Variants in CGNL1 observed in about 807,000 individuals in gnomAD.
CGNL1 encodes the protein cingulin like 1, also known as cingulin-like protein 1.
A neutral mutation model predicts 141.2 loss-of-function variants in CGNL1; 132 were observed. The observed-to-expected ratio is 0.93, with a 90% CI of 0.81 to 1.08. The LOEUF (loss-of-function observed/expected upper bound fraction) is 1.08. CGNL1 is among the 50% of genes least tolerant of loss of function. The pLI, the probability that CGNL1 is intolerant of heterozygous loss-of-function variation, is 0.00. For synonymous variants in CGNL1, 690 were observed against 622.1 expected (o/e 1.11, Z -1.63); for missense variants, 1,870 against 1,588.6 (o/e 1.18, Z -3.01).
intron 1 of CGNL1, among the ~76,000 whole-genome samples, chr15:57,378,895 G>A (rs1416593777): frequency 1.3e-5 from 2 of 152,188 alleles, no homozygotes; most frequent in African/African-American, 4.8e-5. Context: ...ACTTGCTGGA[G>A]GTGTGCACCC....
Position 57,528,678 on chromosome 15 carries a change from C to G in CGNL1, c.3064C>G (p.Arg1022Gly), listed in dbSNP as rs144081162. ...GATGCGTCTGATGGAGGAAGAGTTA[C>G]GGGACTACCAGAGAGCTCAGGATGA... ...DEMRLMEEELRDYQRAQDEAL... is the reference protein window; with the variant it reads ...DEMRLMEEELGDYQRAQDEAL... The change falls in exon 13 of 19, where the codon CGG becomes GGG. Residue 1022 changes from arginine to glycine, a missense_variant. Physicochemically the swap from Arg to Gly is moderately radical, Grantham distance 125 (BLOSUM62 -2). Transcript: ENST00000281282. 3 of 1,614,066 alleles carry G rather than the reference C, an allele frequency of 1.9e-6. No homozygotes were observed. The highest frequency in any genetic ancestry group is 2.5e-6 in the Non-Finnish European group (3 of 1,179,986).
At position 57,442,451 on chromosome 15, in the gene CGNL1, A is replaced by G; in HGVS notation, c.1776A>G (p.Ala592=). The G allele has an allele frequency of 6.2e-7, 1 of 1,613,096 alleles. No individual in the cohort carries two copies. The highest frequency in any genetic ancestry group is 8.5e-7 in the Non-Finnish European group (1 of 1,179,178). The change falls in exon 4 of 19, where the codon GCA becomes GCG. Residue 592 remains alanine (A), a synonymous_variant. Coordinates refer to ENST00000281282, the MANE Select transcript of CGNL1 (RefSeq NM_032866.5). ...FEKIQTLKSR[A]AGSAQGNNQA... is the part of the protein sequence containing the mutation. ...AAATCCAGACCTTAAAGTCTCGAGC[A>G]GCTGGGAGCGCCCAAGGAAATAACC... is the stretch of plus-strand genomic sequence containing the variant.
At chr15:57,465,406 T>C (rs978588691) in intron 8 of CGNL1, among the ~76,000 whole-genome samples, 622 of 148,238 alleles carry the variant, frequency 4.2e-3, no homozygotes, top group African/African-American at 0.015. Flanking sequence ...TTTTTTTTTT[T>C]TTAAGATGGA....
chr15:57,525,281 G>A (rs764471777), intron 12 of CGNL1, among the ~76,000 whole-genome samples: 61 of 152,188 alleles, frequency 4.0e-4, no homozygotes, highest in Non-Finnish European at 3.8e-4. Context: ...AAGAATAATT[G>A]AGCAAAGAAA....
intron 8 of CGNL1, among the ~76,000 whole-genome samples, chr15:57,489,001 G>A (rs1208282415): frequency 2.0e-5 from 3 of 152,198 alleles, no homozygotes; most frequent in African/African-American, 7.2e-5. Flanking sequence ...GCCCAGTGCT[G>A]TCTAGTCCGG....
In CGNL1 at chr15:57,440,391, C is replaced by A; in HGVS notation, c.1617C>A (p.Leu539=). The change falls in exon 3 of 19, where the codon CTC becomes CTA. Residue 539 remains leucine (L), a synonymous_variant. Transcript: ENST00000281282. ...TTATGTTCCAGGCCACACCGGATCT[C>A]TTAAAGGGCCAGCAAGAGCTCACTC... ...SASNTQATPD[L]LKGQQELTQQ... 6.2e-7 allele frequency: 1 copy of A among 1,600,934 alleles called. No individual in the cohort carries two copies. The highest frequency in any genetic ancestry group is 2.2e-5 in the East Asian group (1 of 44,720).
At chr15:57,400,328 C>A (rs760914909) in intron 1 of CGNL1, among the ~76,000 whole-genome samples, 12 of 152,178 alleles carry the variant, frequency 7.9e-5, no homozygotes, top group African/African-American at 9.6e-5. Context: ...TGTGGTTCTT[C>A]TGTCACTTTC....
intron 3 of CGNL1, among the ~76,000 whole-genome samples, chr15:57,441,066 G>T (rs56180242): frequency 0.017 from 1,015 of 58,276 alleles, 7 homozygotes; most frequent in South Asian, 0.078. Flanking sequence ...GTGATTAAGA[G>T]GAAGGACAAA....
In CGNL1 at chr15:57,531,647, T is replaced by A. The variant is rs376240407; in HGVS notation, c.3202-43T>A. 109 of 1,284,474 alleles carry A rather than the reference T, an allele frequency of 8.5e-5. No individual in the cohort carries two copies. In the African/African-American group the frequency reaches 1.5e-3, roughly 17 times the overall value. 79.6% of individuals were successfully genotyped at this position (1,284,474 alleles called of 1,614,324 possible). The stretch of plus-strand genomic sequence containing the variant: ...GGGGAGCCTTTGCTGTTAATCCCGG[T>A]CAGTGCAAGTTAAGTCAACTGTGTT... On this transcript the variant is annotated intron_variant, in intron 13 of 18. Coordinates refer to ENST00000281282, the MANE Select transcript of CGNL1 (RefSeq NM_032866.5).
intron 15 of CGNL1, among the ~76,000 whole-genome samples, chr15:57,544,209 G>A (rs746390552): frequency 9.9e-5 from 15 of 152,190 alleles, no homozygotes; most frequent in Non-Finnish European, 2.1e-4. Context: ...TTTGACATCC[G>A]GGAGTCTTAG....
intron 8 of CGNL1, among the ~76,000 whole-genome samples, chr15:57,505,800 G>A (rs2064093657): frequency 6.6e-6 from 1 of 152,212 alleles, no homozygotes; most frequent in Non-Finnish European, 1.5e-5. Flanking sequence ...CTGCAAGGAA[G>A]CACTAATGAG....
At chr15:57,481,512 C>T (rs1170464967) in intron 8 of CGNL1, among the ~76,000 whole-genome samples, 1 of 152,130 alleles carries the variant, frequency 6.6e-6, no homozygotes, top group Non-Finnish European at 1.5e-5. Context: ...CTGCATGTAT[C>T]AACAGGTTCT....
At chr15:57,536,807 C>T (rs1230752669) in intron 14 of CGNL1, among the ~76,000 whole-genome samples, 1 of 152,180 alleles carries the variant, frequency 6.6e-6, no homozygotes, top group Non-Finnish European at 1.5e-5. Flanking sequence ...TAGGGTCACA[C>T]AGTTTGTAGG....
At chr15:57,502,635 T>G (rs1165443630) in intron 8 of CGNL1, among the ~76,000 whole-genome samples, 1 of 152,182 alleles carries the variant, frequency 6.6e-6, no homozygotes, top group Non-Finnish European at 1.5e-5. Flanking sequence ...GGCTATGACC[T>G]TAGAGACCTC....
Position 57,547,215 on chromosome 15 carries a change from G to C in CGNL1, c.3774-140G>C, listed in dbSNP as rs1169427053. On this transcript the variant is annotated intron_variant, in intron 18 of 18. Coordinates refer to ENST00000281282, the MANE Select transcript of CGNL1 (RefSeq NM_032866.5). ...GTGGCTGAAGGGGCCATCAGGTGGAGACCTGTTACATTCATGTGTTTCTTT... is the reference window on the plus strand; with the variant it reads ...GTGGCTGAAGGGGCCATCAGGTGGACACCTGTTACATTCATGTGTTTCTTT... The C allele has an allele frequency of 1.2e-5, 11 of 924,618 alleles. No homozygotes were observed. In the East Asian group the frequency reaches 2.7e-4, roughly 23 times the overall value. The allele number at this position is 924,618 out of a possible 1,614,324, so 57.3% of individuals were successfully genotyped here.
intron 8 of CGNL1, among the ~76,000 whole-genome samples, chr15:57,497,921 A>C (rs1477629828): frequency 6.6e-6 from 1 of 152,214 alleles, no homozygotes; most frequent in Admixed American, 6.5e-5. Context: ...CGCTGAGAAG[A>C]GTGTGAAAGA....
At chr15:57,391,501 C>G (rs1409341234) in intron 1 of CGNL1, among the ~76,000 whole-genome samples, 2 of 152,172 alleles carry the variant, frequency 1.3e-5, no homozygotes, top group East Asian at 3.8e-4. Flanking sequence ...GACACTCTCA[C>G]ATGTGCTGAG....
chr15:57,461,620 C>A (rs1419703081), intron 7 of CGNL1, 60 bp from the exon 8 acceptor site: 3 of 1,426,466 alleles, frequency 2.1e-6, no homozygotes, highest in Non-Finnish European at 3.0e-6. Flanking sequence ...AGGGGAGATA[C>A]AGGGCCTCTC....
Position 57,452,235 on chromosome 15 carries a change from CATTGCAGCAACG to C in CGNL1, c.2002_2013del (p.Gln669_Leu672del), listed in dbSNP as rs1395834338. ...AACGAAAAGGTGGAGGAGAACTCCACATTGCAGCAACGACTGGAAGAAAGTGAAGGGGAGCTC... is the reference window on the plus strand; with the variant it reads ...AACGAAAAGGTGGAGGAGAACTCCACACTGGAAGAAAGTGAAGGGGAGCTC... On this transcript the variant is annotated inframe_deletion, in exon 6 of 19. Coordinates refer to ENST00000281282, the MANE Select transcript of CGNL1 (RefSeq NM_032866.5). The C allele has an allele frequency of 1.2e-6, 2 of 1,613,916 alleles. No individual in the cohort carries two copies. Among genetic ancestry groups the C allele is most frequent in the Admixed American group, 3.3e-5 (2 of 59,990 alleles).
Sources: allele counts gnomAD v4.1 joint callset (sites outside exome capture counted in the v4.1 genomes callset), GRCh38; gene constraint gnomAD v4.1.1; transcripts MANE v1.5; gene names NCBI Gene and HGNC (gene_info 2026-07-23, HGNC 2026-07-21).